ZDHHC15: variants seen among roughly 807,000 people sequenced by gnomAD.
ZDHHC15 encodes the protein zDHHC palmitoyltransferase 15.
A neutral mutation model predicts 31.7 loss-of-function variants in ZDHHC15; 19 were observed. That is an observed-to-expected ratio of 0.60 (90% confidence interval 0.42 to 0.88). ZDHHC15 has a LOEUF of 0.88. ZDHHC15 is among the 40% of genes least tolerant of loss of function. ZDHHC15 has a pLI of 0.00. For missense variants in ZDHHC15, 209 were observed against 251.2 expected (o/e 0.83, Z 1.14); for synonymous variants, 103 against 90.0 (o/e 1.14, Z -0.82).
intron 11 of ZDHHC15, among the ~76,000 whole-genome samples, chrX:75,377,018 T>G (rs2147748435): frequency 9.0e-6 from 1 of 111,584 alleles, no homozygotes; most frequent in South Asian, 3.8e-4. Flanking sequence ...AATATCTAAT[T>G]ACTTGGACAT....
intron 10 of ZDHHC15, among the ~76,000 whole-genome samples, chrX:75,391,809 G>T (rs2083245183): frequency 8.9e-6 from 1 of 111,891 alleles, no homozygotes; most frequent in Non-Finnish European, 1.9e-5. Context: ...AGAAAACACA[G>T]AATATTGTAA....
intron 7 of ZDHHC15, 40 bp from the exon 8 acceptor site, chrX:75,424,824 A>G: frequency 8.7e-7 from 1 of 1,146,640 alleles, no homozygotes; most frequent in Non-Finnish European, 1.2e-6. Flanking sequence ...ATTAAAGTGG[A>G]AACGGATGGC....
At chrX:75,404,738 T>C (rs2083392896) in intron 10 of ZDHHC15, among the ~76,000 whole-genome samples, 1 of 111,546 alleles carries the variant, frequency 9.0e-6, no homozygotes, top group Admixed American at 9.5e-5. Context: ...CAGATGCTGG[T>C]GAGGTTACAG....
At chrX:75,373,551 G>C (rs2083022757) in intron 11 of ZDHHC15, among the ~76,000 whole-genome samples, 1 of 111,346 alleles carries the variant, frequency 9.0e-6, no homozygotes, top group South Asian at 3.8e-4. Flanking sequence ...CAGTAATTTT[G>C]CTTCCAGGAT....
At chrX:75,402,874 A>T (rs1354965852) in intron 10 of ZDHHC15, among the ~76,000 whole-genome samples, 1 of 110,967 alleles carries the variant, frequency 9.0e-6, no homozygotes, top group Non-Finnish European at 1.9e-5. Flanking sequence ...TCTCCAACTC[A>T]TTCTGAGGCC....
chrX:75,370,167 T>G lies in ZDHHC15; in HGVS notation c.*2811A>C, dbSNP rs993903028. On this transcript the variant is annotated 3_prime_UTR_variant, in exon 12 of 12. Transcript: ENST00000373367. ...TATAATTAAAGACATATAAGAGCAC[T>G]AGAAAGTGACATAGCACCCTTCAGC... The G allele has an allele frequency of 8.1e-5, 9 of 111,635 alleles. No homozygotes were observed. Among genetic ancestry groups the G allele is most frequent in the African/African-American group, 2.0e-4 (6 of 30,717 alleles). 9.2% of individuals were successfully genotyped at this position (111,635 alleles called of 1,213,427 possible).
At chrX:75,442,221 C>A (rs1469248451) in intron 4 of ZDHHC15, among the ~76,000 whole-genome samples, 7 of 112,094 alleles carry the variant, frequency 6.2e-5, no homozygotes, top group Non-Finnish European at 1.3e-4. Context: ...TCAACCAAGC[C>A]TTTGAGGACC....
intron 10 of ZDHHC15, among the ~76,000 whole-genome samples, chrX:75,392,419 C>T (rs2083254859): frequency 8.9e-6 from 1 of 111,955 alleles, no homozygotes; most frequent in Non-Finnish European, 1.9e-5. Flanking sequence ...ATGTTAATCT[C>T]CTTTGGCAAC....
chrX:75,492,444 A>G (rs1044462143), intron 2 of ZDHHC15, among the ~76,000 whole-genome samples: 3 of 111,586 alleles, frequency 2.7e-5, no homozygotes, highest in Admixed American at 1.9e-4. Flanking sequence ...ATAGACATCT[A>G]CAGAACTCTC....
At chrX:75,479,134 T>C (rs2084651079) in intron 2 of ZDHHC15, 149 bp from the exon 3 acceptor site, 1 of 386,311 alleles carries the variant, frequency 2.6e-6, no homozygotes, top group African/African-American at 2.6e-5. Flanking sequence ...TATTTTCCCA[T>C]ACAGTGACAG....
chrX:75,412,492 C>T (rs570983976), intron 10 of ZDHHC15, among the ~76,000 whole-genome samples: 6 of 109,997 alleles, frequency 5.5e-5, no homozygotes, highest in South Asian at 7.9e-4. Flanking sequence ...AGTGCAGTGG[C>T]GAGATCTTGG....
chrX:75,461,743 T>C (rs1361251722), intron 3 of ZDHHC15, among the ~76,000 whole-genome samples: 1 of 111,994 alleles, frequency 8.9e-6, no homozygotes, highest in Non-Finnish European at 1.9e-5. Context: ...GGGAATTAAT[T>C]GCCACCAGGC....
At chrX:75,439,571 A>G (rs894714468) in intron 4 of ZDHHC15, among the ~76,000 whole-genome samples, 9 of 111,336 alleles carry the variant, frequency 8.1e-5, no homozygotes, top group Non-Finnish European at 1.5e-4. Flanking sequence ...TCCATATCCT[A>G]TAATATTTTT....
chrX:75,486,625 T>C (rs776833520), intron 2 of ZDHHC15, among the ~76,000 whole-genome samples: 2 of 112,022 alleles, frequency 1.8e-5, no homozygotes, highest in Admixed American at 1.9e-4. Flanking sequence ...TGCCTGGATA[T>C]AAACGTGCAG....
intron 1 of ZDHHC15, among the ~76,000 whole-genome samples, chrX:75,507,139 T>C (rs1220553030): frequency 9.0e-6 from 1 of 111,442 alleles, no homozygotes; most frequent in Non-Finnish European, 1.9e-5. Context: ...ATAGAACCAA[T>C]AGGTTAAAGC....
intron 10 of ZDHHC15, among the ~76,000 whole-genome samples, chrX:75,401,614 C>G (rs775962212): frequency 4.5e-5 from 5 of 111,695 alleles, no homozygotes; most frequent in Non-Finnish European, 9.4e-5. Flanking sequence ...CAACAGACTG[C>G]AAACCAACAA....
At chrX:75,463,856 C>A (rs1158784270) in intron 3 of ZDHHC15, among the ~76,000 whole-genome samples, 1 of 111,901 alleles carries the variant, frequency 8.9e-6, no homozygotes, top group Non-Finnish European at 1.9e-5. Flanking sequence ...ACTAGTTCAA[C>A]CATTATGGAA....
chrX:75,431,510 G>A lies in ZDHHC15; in HGVS notation c.390C>T (p.Phe130=), dbSNP rs748959822. ...YTRTGSGAVR[F]CDRCHLIKPD... Reference sequence around the variant, plus strand: ...GCTTGATCAGATGACACCGGTCACAGAATCGTACAGCTATAAAAAAAAAAA... The same window carrying A: ...GCTTGATCAGATGACACCGGTCACAAAATCGTACAGCTATAAAAAAAAAAA... Residue 130 remains phenylalanine (F), a synonymous_variant, in exon 5 of 12, where the codon TTC becomes TTT. Transcript: ENST00000373367. The A allele has an allele frequency of 1.7e-6, 2 of 1,206,294 alleles. No homozygotes were observed. The highest frequency in any genetic ancestry group is 2.2e-6 in the Non-Finnish European group (2 of 893,409).
At chrX:75,450,709 G>A (rs1355524054) in intron 4 of ZDHHC15, 93 bp downstream of exon 4, 2 of 1,202,145 alleles carry the variant, frequency 1.7e-6, no homozygotes, top group Non-Finnish European at 2.2e-6. Context: ...GAAGATGGGA[G>A]GAAAAAAAAG....
Sources: allele counts gnomAD v4.1 joint callset (sites outside exome capture counted in the v4.1 genomes callset), GRCh38; gene constraint gnomAD v4.1.1; transcripts MANE v1.5; gene names NCBI Gene and HGNC (gene_info 2026-07-23, HGNC 2026-07-21).